Variants in ABLIM1 observed in about 807,000 individuals in gnomAD.
ABLIM1 encodes actin binding LIM protein 1.
ABLIM1 carries 40 observed loss-of-function variants against 107.0 expected under a neutral mutation model. That is an observed-to-expected ratio of 0.37 (90% CI 0.29 to 0.49). ABLIM1 has a LOEUF of 0.49. ABLIM1 is among the 20% of genes least tolerant of loss of function. ABLIM1 has a pLI of 0.97. For synonymous variants in ABLIM1, 357 were observed against 357.3 expected (o/e 1.00, Z 0.01); for missense variants, 857 against 1,008.5 (o/e 0.85, Z 2.04).
At position 114,491,012 on chromosome 10, in the gene ABLIM1, G is replaced by GTGTGTGTATATATATATA; in HGVS notation, c.982+778_982+779insTATATATATATACACACA. Among the ~76,000 whole-genome samples, 135 of 92,356 alleles carry GTGTGTGTATATATATATA rather than the reference G, an allele frequency of 1.5e-3. 1 individual carries two copies. The highest frequency in any genetic ancestry group is 1.6e-3 in the Admixed American group (12 of 7,280). 60.6% of individuals were successfully genotyped at this position (92,356 alleles called of 152,430 possible). A position where few individuals can be genotyped will look rare whatever the true frequency, so the allele number is the denominator to read the frequency against. On this transcript the variant is annotated intron_variant, in intron 7 of 22. Transcript: ENST00000533213. Reference sequence around the variant, plus strand: ...TGTGTGTGTGTGTGTGTGTGTGTGTGTATATATATATATGGTCTATTTTAT... The same window carrying GTGTGTGTATATATATATA: ...TGTGTGTGTGTGTGTGTGTGTGTGTGTGTGTGTATATATATATATATATATATATATGGTCTATTTTAT...
At chr10:114,632,242 A>C in intron 1 of ABLIM1, 1 of 985,328 alleles carries the variant, frequency 1.0e-6, no homozygotes, top group Non-Finnish European at 1.2e-6. Flanking sequence ...TACTGTCCTA[A>C]TCTCTGGTCA....
At chr10:114,616,589 A>C (rs1256187366) in intron 1 of ABLIM1, among the ~76,000 whole-genome samples, 1 of 152,198 alleles carries the variant, frequency 6.6e-6, no homozygotes, top group Non-Finnish European at 1.5e-5. Flanking sequence ...AAGGTGACAA[A>C]GCGTTGTTCT....
intron 1 of ABLIM1, among the ~76,000 whole-genome samples, chr10:114,665,610 T>A (rs2079993557): frequency 1.3e-5 from 2 of 152,234 alleles, no homozygotes; most frequent in Admixed American, 1.3e-4. Flanking sequence ...TTTAAAAGCA[T>A]ACTCAATTGT....
At chr10:114,781,368 G>T in the ABLIM1 span, among the ~76,000 whole-genome samples, 2 of 151,930 alleles carry the variant, frequency 1.3e-5, no homozygotes, top group African/African-American at 4.8e-5. Context: ...GCTGGGCGTG[G>T]TGGTGCACGT....
At chr10:114,769,171 T>TA (rs2082973783), upstream of ABLIM1, among the ~76,000 whole-genome samples, 7 of 21,242 alleles carry the variant, frequency 3.3e-4, no homozygotes, top group East Asian at 8.2e-4. Flanking sequence ...CTGTCTTCAA[T>TA]GAAAAAAAAA....
At chr10:114,448,642 C>T (rs923584834) in intron 14 of ABLIM1, among the ~76,000 whole-genome samples, 1 of 138,900 alleles carries the variant, frequency 7.2e-6, no homozygotes, top group Admixed American at 6.8e-5. Flanking sequence ...GAGACAGAGT[C>T]TCACTCTGTC....
At chr10:114,783,812 C>T in the ABLIM1 span, among the ~76,000 whole-genome samples, 1 of 151,958 alleles carries the variant, frequency 6.6e-6, no homozygotes, top group Non-Finnish European at 1.5e-5. Flanking sequence ...AACACTCCTT[C>T]ACTGAACTTG....
intron 4 of ABLIM1, among the ~76,000 whole-genome samples, chr10:114,558,423 G>A (rs921611474): frequency 6.6e-6 from 1 of 152,162 alleles, no homozygotes; most frequent in Admixed American, 6.5e-5. Flanking sequence ...TATCAGAATT[G>A]AGAGTCCGAG....
intron 4 of ABLIM1, among the ~76,000 whole-genome samples, chr10:114,563,671 C>T (rs1170558879): frequency 6.6e-6 from 1 of 150,614 alleles, no homozygotes; most frequent in African/African-American, 2.4e-5. Context: ...CCTGTCTCTA[C>T]AAAAAATACA....
At chr10:114,605,790 C>T (rs2076369984) in intron 1 of ABLIM1, among the ~76,000 whole-genome samples, 1 of 152,290 alleles carries the variant, frequency 6.6e-6, no homozygotes, top group Middle Eastern at 3.4e-3. Context: ...ATTCTCACTA[C>T]TCAGCTAAAG....
At chr10:114,478,331 C>G (rs975355984) in intron 8 of ABLIM1, among the ~76,000 whole-genome samples, 1 of 152,168 alleles carries the variant, frequency 6.6e-6, no homozygotes, top group Non-Finnish European at 1.5e-5. Flanking sequence ...GTCTTAGAGC[C>G]ATCCCTCTGC....
intron 1 of ABLIM1, among the ~76,000 whole-genome samples, chr10:114,711,025 A>T (rs931338853): frequency 1.3e-5 from 2 of 152,154 alleles, no homozygotes; most frequent in Non-Finnish European, 2.9e-5. Context: ...TAAGAAGGCC[A>T]CTCCATGACT....
chr10:114,667,771 G>T, intron 1 of ABLIM1, among the ~76,000 whole-genome samples: 1 of 152,214 alleles, frequency 6.6e-6, no homozygotes, highest in Middle Eastern at 3.4e-3. Context: ...TCCAGTATGT[G>T]CCCTTTCACC....
intron 1 of ABLIM1, among the ~76,000 whole-genome samples, chr10:114,743,135 T>C (rs1462772120): frequency 6.6e-6 from 1 of 152,168 alleles, no homozygotes; most frequent in Non-Finnish European, 1.5e-5. Flanking sequence ...GTAGCATTAA[T>C]ACGGTTAAAG....
chr10:114,636,995 T>C (rs1012462174), intron 1 of ABLIM1, among the ~76,000 whole-genome samples: 1 of 143,322 alleles, frequency 7.0e-6, no homozygotes, highest in African/African-American at 2.6e-5. Context: ...ATTTCACCAC[T>C]GCACTCCAGC....
chr10:114,653,090 T>G (rs59297131), intron 1 of ABLIM1, among the ~76,000 whole-genome samples: 7 of 152,198 alleles, frequency 4.6e-5, no homozygotes, highest in Non-Finnish European at 1.0e-4. Context: ...ACCACGAACC[T>G]GGGTGTCAGG....
At chr10:114,514,504 T>C (rs552598165) in intron 6 of ABLIM1, among the ~76,000 whole-genome samples, 166 of 151,992 alleles carry the variant, frequency 1.1e-3, no homozygotes, top group South Asian at 2.3e-3. Flanking sequence ...TCCCAAGTAG[T>C]TGGGTCTACA....
chr10:114,795,846 T>C, the ABLIM1 span, among the ~76,000 whole-genome samples: 1 of 152,186 alleles, frequency 6.6e-6, no homozygotes, highest in East Asian at 1.9e-4. Context: ...CATATTACTA[T>C]ATGGTAGGGA....
At chr10:114,644,306 A>AAAATATATATATATATAT (rs1408072252) in intron 1 of ABLIM1, among the ~76,000 whole-genome samples, 2 of 52,254 alleles carry the variant, frequency 3.8e-5, no homozygotes, top group African/African-American at 1.8e-4. Flanking sequence ...AAAAAAAAAA[A>AAAATATATATATATATAT]ATATATATAT....
Sources: gnomAD v4.1 joint callset for allele counts (sites outside exome capture counted in the v4.1 genomes callset) on GRCh38, gnomAD v4.1.1 for gene constraint, MANE v1.5 for transcripts, NCBI Gene and HGNC (gene_info 2026-07-23, HGNC 2026-07-21) for gene names.